The following SYT16 variants were observed in gnomAD, a reference collection of about 807,000 sequenced individuals.
SYT16 encodes synaptotagmin-16.
A neutral mutation model predicts 61.4 loss-of-function variants in SYT16; 42 were observed. The ratio of observed to expected loss-of-function variants is 0.68; its 90% CI spans 0.53 to 0.89. SYT16 has a LOEUF of 0.89. Among genes scored for constraint, SYT16 ranks in the 40% least tolerant of loss-of-function variants. The pLI is 0.00. For synonymous variants in SYT16, 314 were observed against 302.3 expected, an observed-to-expected ratio of 1.04 and a Z score of -0.40; for missense variants, 804 against 807.3, an observed-to-expected ratio of 1.00 and a Z score of 0.05.
chr14:61,864,781 T>C, intron 1 of SYT16: 1 of 945,382 alleles, frequency 1.1e-6, no homozygotes, highest in Non-Finnish European at 1.6e-6. Flanking sequence ...GGTTGGGCCC[T>C]AGTGTCTGCC....
Position 61,922,345 on chromosome 14 carries a change from C to T in SYT16, c.-324-47787C>T, listed in dbSNP as rs777410933. Among the ~76,000 whole-genome samples the T allele has an allele frequency of 2.0e-4, 31 of 152,278 alleles. No individual in the cohort carries two copies. In the Middle Eastern group the frequency reaches 0.017, roughly 84 times the overall value. ...GGTCCATATACATCATGGAATACTA[C>T]GCAGCCATAAAAAGAATGAGATCAT... On this transcript the variant is annotated intron_variant, in intron 1 of 7. Transcript: ENST00000683842.
intron 1 of SYT16, among the ~76,000 whole-genome samples, chr14:61,837,836 C>T (rs1335401474): frequency 1.3e-5 from 2 of 152,194 alleles, no homozygotes; most frequent in African/African-American, 2.4e-5. Flanking sequence ...CGGCTTCCTT[C>T]CTATGTCTTT....
At position 62,094,209 on chromosome 14, in the gene SYT16, A is replaced by G. The variant is rs371832163; in HGVS notation, c.1625-6185A>G. On this transcript the variant is annotated intron_variant, in intron 7 of 7. Coordinates refer to ENST00000683842, the MANE Select transcript of SYT16 (RefSeq NM_001367656.1). ...ATATTTGACCTGAATTAAATGTCAC[A>G]TTATTCACCTGAGAAAGTTTACTGG... Among the ~76,000 whole-genome samples, 167 of 152,264 alleles carry G rather than the reference A, an allele frequency of 1.1e-3. 4 individuals are homozygous for G. The South Asian group carries it at 0.033, about 30-fold the overall frequency.
intron 1 of SYT16, among the ~76,000 whole-genome samples, chr14:61,846,897 C>G (rs1270448985): frequency 1.3e-5 from 2 of 152,112 alleles, no homozygotes; most frequent in African/African-American, 4.8e-5. Flanking sequence ...AAGCAGAAAA[C>G]AACACTATTT....
intron 1 of SYT16, among the ~76,000 whole-genome samples, chr14:61,818,063 A>G (rs1240137612): frequency 6.6e-6 from 1 of 152,230 alleles, no homozygotes; most frequent in Non-Finnish European, 1.5e-5. Context: ...TATTGAGTTT[A>G]CTTTTTGAAA....
chr14:61,887,621 A>G (rs1454290582), intron 1 of SYT16, among the ~76,000 whole-genome samples: 2 of 152,238 alleles, frequency 1.3e-5, no homozygotes, highest in African/African-American at 4.8e-5. Context: ...CTACATCAGC[A>G]CTTGCTGCTT....
At chr14:61,947,312 T>TGTGTGTGTGTGTGTGTGTG (rs1447890216) in intron 1 of SYT16, among the ~76,000 whole-genome samples, 4 of 65,048 alleles carry the variant, frequency 6.1e-5, no homozygotes, top group East Asian at 4.7e-4. Flanking sequence ...GTGTGTGTGT[T>TGTGTGTGTGTGTGTGTGTG]TGTGTAAAAT....
At chr14:61,876,796 G>C (rs1220497440) in intron 1 of SYT16, among the ~76,000 whole-genome samples, 2 of 152,224 alleles carry the variant, frequency 1.3e-5, no homozygotes, top group Non-Finnish European at 2.9e-5. Flanking sequence ...AGGTAGGTAG[G>C]AAGCAGGGGC....
chr14:62,060,347 C>T (rs2055771998), intron 3 of SYT16, among the ~76,000 whole-genome samples: 1 of 151,918 alleles, frequency 6.6e-6, no homozygotes, highest in African/African-American at 2.4e-5. Flanking sequence ...TAAAAAATTT[C>T]ATTTGTAATT....
rs2140380191 is a variant in SYT16 at position 61,910,774 on chromosome 14, C to A, written c.-324-59358C>A. ...GAACTCCTGACCGCAAGTGATCCAC[C>A]CACCTCGGCCTCCCAAAGTGTTGGG... On this transcript the variant is annotated intron_variant, in intron 1 of 7. Transcript: ENST00000683842. Among the ~76,000 whole-genome samples, 2 of 152,248 alleles carry A rather than the reference C, an allele frequency of 1.3e-5. 1 individual carries two copies. Among genetic ancestry groups the A allele is most frequent in the South Asian group, 4.1e-4 (2 of 4,830 alleles).
At chr14:62,041,429 A>G (rs1187475615) in intron 3 of SYT16, among the ~76,000 whole-genome samples, 1 of 152,028 alleles carries the variant, frequency 6.6e-6, no homozygotes, top group African/African-American at 2.4e-5. Context: ...AGTTTTCACC[A>G]TTTTTCTCAG....
chr14:61,890,498 CA>C (rs34468900), intron 1 of SYT16, among the ~76,000 whole-genome samples: 61,678 of 116,016 alleles, frequency 0.53, 12,945 homozygotes, highest in African/African-American at 0.58. Flanking sequence ...TCCTTCATGA[CA>C]AAAAAAAAAA....
intron 1 of SYT16, among the ~76,000 whole-genome samples, chr14:61,850,026 C>T (rs143645933): frequency 3.9e-4 from 60 of 152,282 alleles, no homozygotes; most frequent in Non-Finnish European, 7.4e-4. Context: ...TTTCCCTTTT[C>T]TCTGCATCCA....
At chr14:61,831,992 G>T in intron 1 of SYT16, 1 of 637,572 alleles carries the variant, frequency 1.6e-6, no homozygotes, top group Non-Finnish European at 3.0e-6. Context: ...GGATGGGGCC[G>T]TACACACAGC....
intron 3 of SYT16, among the ~76,000 whole-genome samples, chr14:62,051,168 T>C (rs1180267330): frequency 6.6e-6 from 1 of 152,216 alleles, no homozygotes; most frequent in Non-Finnish European, 1.5e-5. Context: ...GCCTGGGCAA[T>C]GGCAGGCGCC....
intron 7 of SYT16, among the ~76,000 whole-genome samples, chr14:62,085,041 T>G (rs1371928744): frequency 6.6e-6 from 1 of 152,154 alleles, no homozygotes; most frequent in African/African-American, 2.4e-5. Context: ...AACTGCCACT[T>G]TTGAGATTGT....
At chr14:61,852,962 A>T (rs1326010664) in intron 1 of SYT16, among the ~76,000 whole-genome samples, 1 of 152,204 alleles carries the variant, frequency 6.6e-6, no homozygotes, top group Non-Finnish European at 1.5e-5. Context: ...TCTGTTGCCC[A>T]GACTGGAGTG....
chr14:62,105,548 T>C lies in SYT16; in HGVS notation c.*4841T>C, dbSNP rs1430091861. ...GAACAAATTATCACTGTTTCCCTTATGAGATCCTAATGAAAGAAATTCAGT... is the reference window on the plus strand; with the variant it reads ...GAACAAATTATCACTGTTTCCCTTACGAGATCCTAATGAAAGAAATTCAGT... On this transcript the variant is annotated 3_prime_UTR_variant, in exon 8 of 8. Coordinates refer to ENST00000683842, the MANE Select transcript of SYT16 (RefSeq NM_001367656.1). The C allele has an allele frequency of 6.6e-6, 1 of 152,202 alleles. No homozygotes were observed. The highest frequency in any genetic ancestry group is 1.5e-5 in the Non-Finnish European group (1 of 68,034). The allele number at this position is 152,202 out of a possible 1,614,324, so 9.4% of individuals were successfully genotyped here.
chr14:61,823,971 G>C (rs1281406307), intron 1 of SYT16, among the ~76,000 whole-genome samples: 1 of 152,196 alleles, frequency 6.6e-6, no homozygotes, highest in South Asian at 2.1e-4. Flanking sequence ...AACACTATTT[G>C]TAATCAACTT....
Sources: gnomAD v4.1 joint callset for allele counts (sites outside exome capture counted in the v4.1 genomes callset) on GRCh38, gnomAD v4.1.1 for gene constraint, MANE v1.5 for transcripts, NCBI Gene and HGNC (gene_info 2026-07-23, HGNC 2026-07-21) for gene names.